The following ERC2 variants were observed in gnomAD, a reference collection of about 807,000 sequenced individuals.
The protein encoded by ERC2 is ELKS/RAB6-interacting/CAST family member 2.
A neutral mutation model predicts 114.8 loss-of-function variants in ERC2; 42 were observed. The ratio of observed to expected loss-of-function variants is 0.37; its 90% confidence interval spans 0.29 to 0.47. The LOEUF is 0.47. ERC2 is among the 20% of genes least tolerant of loss of function. The pLI is 0.99. For missense variants in ERC2, 939 were observed against 1,150.7 expected (o/e 0.82, Z 2.66); for synonymous variants, 454 against 425.5 (o/e 1.07, Z -0.82).
intron 17 of ERC2, among the ~76,000 whole-genome samples, chr3:55,561,694 C>T (rs958132387): frequency 9.2e-5 from 14 of 152,074 alleles, no homozygotes; most frequent in African/African-American, 3.4e-4. Context: ...TGCCCTGTAT[C>T]CATCCTCCCT....
chr3:56,382,246 C>A (rs1422173449), intron 2 of ERC2, among the ~76,000 whole-genome samples: 9 of 152,050 alleles, frequency 5.9e-5, no homozygotes, highest in Admixed American at 3.3e-4. Context: ...CCCATCCCAC[C>A]CCCCTGCTCA....
chr3:55,801,383 G>A (rs1191022293), intron 14 of ERC2, among the ~76,000 whole-genome samples: 1 of 152,186 alleles, frequency 6.6e-6, no homozygotes, highest in East Asian at 1.9e-4. Context: ...TAACCAGGGA[G>A]AAAGAGGTCC....
intron 12 of ERC2, among the ~76,000 whole-genome samples, chr3:55,960,449 T>C (rs988994587): frequency 8.5e-5 from 13 of 152,198 alleles, no homozygotes; most frequent in African/African-American, 3.1e-4. Context: ...TAAGTCTCAG[T>C]TGAAGTAATG....
At chr3:55,531,508 T>C (rs915024600) in intron 17 of ERC2, among the ~76,000 whole-genome samples, 1 of 152,210 alleles carries the variant, frequency 6.6e-6, no homozygotes, top group Non-Finnish European at 1.5e-5. Context: ...CCATTTTTCA[T>C]GCTAATGACT....
intron 3 of ERC2, among the ~76,000 whole-genome samples, chr3:56,219,871 A>AT (rs981422276): frequency 6.6e-6 from 1 of 152,042 alleles, no homozygotes; most frequent in Admixed American, 6.6e-5. Context: ...AGTTTGGGCA[A>AT]TTTTTTTCAT....
intron 13 of ERC2, 120 bp downstream of exon 13, chr3:55,950,305 A>T: frequency 1.6e-6 from 2 of 1,268,580 alleles, no homozygotes; most frequent in Admixed American, 4.9e-5. Context: ...TGTTAGTGCT[A>T]GACTCAGGGC....
At chr3:55,572,202 T>C (rs2056752450) in intron 17 of ERC2, among the ~76,000 whole-genome samples, 1 of 152,176 alleles carries the variant, frequency 6.6e-6, no homozygotes, top group Non-Finnish European at 1.5e-5. Context: ...GGTTCCATCC[T>C]GGCTGCACTT....
intron 1 of ERC2, among the ~76,000 whole-genome samples, chr3:56,443,600 C>T (rs980339480): frequency 1.3e-5 from 2 of 152,058 alleles, no homozygotes; most frequent in African/African-American, 4.8e-5. Flanking sequence ...TCCCCCATGC[C>T]CCACCCAGCT....
chr3:55,839,590 T>A (rs929722175), intron 14 of ERC2, among the ~76,000 whole-genome samples: 1 of 151,918 alleles, frequency 6.6e-6, no homozygotes, highest in Non-Finnish European at 1.5e-5. Flanking sequence ...AAGATTCTTA[T>A]GCTCTACATG....
At chr3:56,154,638 T>C (rs2081597343) in intron 4 of ERC2, among the ~76,000 whole-genome samples, 2 of 152,090 alleles carry the variant, frequency 1.3e-5, no homozygotes, top group South Asian at 4.1e-4. Context: ...TGGACTCAGC[T>C]CTAAGAAAAA....
intron 5 of ERC2, among the ~76,000 whole-genome samples, chr3:56,143,861 A>G (rs964656391): frequency 5.9e-5 from 9 of 152,396 alleles, no homozygotes; most frequent in South Asian, 2.1e-4. Flanking sequence ...GAAAACTGAC[A>G]TAAACAATAA....
intron 2 of ERC2, among the ~76,000 whole-genome samples, chr3:56,401,704 T>C (rs2060525778): frequency 6.6e-6 from 1 of 152,152 alleles, no homozygotes; most frequent in Non-Finnish European, 1.5e-5. Context: ...AACTGGAGCT[T>C]AGCCCAGGAG....
At chr3:55,599,075 C>T (rs1457465301) in intron 17 of ERC2, among the ~76,000 whole-genome samples, 2 of 152,228 alleles carry the variant, frequency 1.3e-5, no homozygotes. Context: ...TCCCTTCAAA[C>T]ATCAAAAACT....
chr3:55,724,060 T>C (rs1474211847), intron 15 of ERC2, among the ~76,000 whole-genome samples: 2 of 151,936 alleles, frequency 1.3e-5, no homozygotes, highest in Non-Finnish European at 2.9e-5. Context: ...AAAAAGAAAA[T>C]GTAAAACTAA....
chr3:56,076,875 A>T (rs1422763691), intron 7 of ERC2, among the ~76,000 whole-genome samples: 1 of 152,218 alleles, frequency 6.6e-6, no homozygotes, highest in Admixed American at 6.5e-5. Context: ...CAAAGCTGAC[A>T]GATATGAAAT....
chr3:55,785,955 G>C (rs1056537933), intron 14 of ERC2, among the ~76,000 whole-genome samples: 4 of 152,162 alleles, frequency 2.6e-5, no homozygotes, highest in African/African-American at 9.7e-5. Context: ...ATTGAACAAA[G>C]ACTTAGATCT....
intron 6 of ERC2, among the ~76,000 whole-genome samples, chr3:56,083,819 A>G (rs960947299): frequency 6.6e-6 from 1 of 152,100 alleles, no homozygotes; most frequent in Non-Finnish European, 1.5e-5. Context: ...TAGTAGCTAT[A>G]CCAGCAATCA....
intron 4 of ERC2, among the ~76,000 whole-genome samples, chr3:56,164,090 T>C (rs1213977531): frequency 1.3e-5 from 2 of 151,970 alleles, no homozygotes; most frequent in African/African-American, 4.8e-5. Flanking sequence ...CTTTATAATA[T>C]TTTTCTTTAT....
intron 7 of ERC2, among the ~76,000 whole-genome samples, chr3:56,033,070 AAG>A (rs2074576023): frequency 2.5e-5 from 3 of 120,244 alleles, no homozygotes; most frequent in Non-Finnish European, 6.0e-5. Flanking sequence ...GAAAGAAAGA[AAG>A]AAAGAAAGAA....
Sources: allele counts gnomAD v4.1 joint callset (sites outside exome capture counted in the v4.1 genomes callset), GRCh38; gene constraint gnomAD v4.1.1; transcripts MANE v1.5; gene names NCBI Gene and HGNC (gene_info 2026-07-23, HGNC 2026-07-21).